Variants in TEKTIP1 observed in about 807,000 individuals in gnomAD.
TEKTIP1 encodes the protein tektin bundle interacting protein 1.
the TEKTIP1 span, chr19:3,539,525 C>T: frequency 2.0e-6 from 1 of 492,084 alleles, no homozygotes; most frequent in East Asian, 3.1e-5. Context: ...GGAGCTTCGG[C>T]CACAGAAATG....
At chr19:3,542,794 C>T in the TEKTIP1 span, 214 of 1,369,906 alleles carry the variant, frequency 1.6e-4, no homozygotes, top group Admixed American at 1.5e-4. Context: ...GTGGGTCCCC[C>T]AGTCTTCCCT....
At chr19:3,544,000 C>G in the TEKTIP1 span, 245 of 1,541,062 alleles carry the variant, frequency 1.6e-4, 1 homozygote, top group South Asian at 2.7e-3. Context: ...CTCACACCCA[C>G]TCCCCGATAA....
chr19:3,543,713 G>A, the TEKTIP1 span: 8 of 1,502,034 alleles, frequency 5.3e-6, no homozygotes, highest in African/African-American at 9.7e-5. Flanking sequence ...TCCTTGGGAG[G>A]CCAGGGGGAC....
chr19:3,543,483 C>T, the TEKTIP1 span: 91 of 1,500,568 alleles, frequency 6.1e-5, no homozygotes, highest in Non-Finnish European at 8.0e-5. Flanking sequence ...GGTGAGTGCC[C>T]CCCCCCCCGC....
the TEKTIP1 span, among the ~76,000 whole-genome samples, chr19:3,541,200 G>A: frequency 6.6e-6 from 1 of 151,172 alleles, no homozygotes; most frequent in Admixed American, 6.6e-5. Context: ...ACCAGGCATG[G>A]CGGCACGTGC....
At chr19:3,543,214 C>T in the TEKTIP1 span, 1 of 1,538,148 alleles carries the variant, frequency 6.5e-7, no homozygotes, top group Middle Eastern at 1.8e-4. Flanking sequence ...GGCTCAGTCT[C>T]TGCCCCCTGC....
At chr19:3,543,586 G>C in the TEKTIP1 span, 2,109 of 1,543,280 alleles carry the variant, frequency 1.4e-3, 9 homozygotes, top group Non-Finnish European at 1.6e-3. Context: ...AGACCGCCTG[G>C]CATGACCCCA....
chr19:3,539,656 G>C, the TEKTIP1 span: 1 of 203,682 alleles, frequency 4.9e-6, no homozygotes, highest in Middle Eastern at 1.8e-3. Flanking sequence ...TTGGCCCCCG[G>C]TCTCTGCTTC....
the TEKTIP1 span, chr19:3,543,850 G>A: frequency 6.5e-7 from 1 of 1,544,720 alleles, no homozygotes; most frequent in Non-Finnish European, 8.7e-7. Flanking sequence ...AACCGGTACG[G>A]GGTGGAGCCA....
chr19:3,543,933 C>T, the TEKTIP1 span: 137 of 1,551,220 alleles, frequency 8.8e-5, no homozygotes, highest in Non-Finnish European at 9.6e-5. Flanking sequence ...CCAGAACTAC[C>T]GGGAGTGGGT....
the TEKTIP1 span, chr19:3,542,523 G>C: frequency 2.2e-6 from 2 of 926,648 alleles, no homozygotes; most frequent in Admixed American, 6.2e-5. Context: ...GCCCAGGCTG[G>C]AGTGCAAGGG....
At chr19:3,543,987 TCCCTC>T in the TEKTIP1 span, 1 of 1,546,392 alleles carries the variant, frequency 6.5e-7, no homozygotes, top group Non-Finnish European at 8.7e-7. Context: ...GTCCCCGCCT[TCCCTC>T]ACACCCACTC....
At chr19:3,541,195 G>T in the TEKTIP1 span, among the ~76,000 whole-genome samples, 27 of 150,030 alleles carry the variant, frequency 1.8e-4, no homozygotes, top group Admixed American at 1.0e-3. Flanking sequence ...AATCAACCAG[G>T]CATGGCGGCA....
At chr19:3,539,221 C>T in the TEKTIP1 span, 14 of 1,550,512 alleles carry the variant, frequency 9.0e-6, no homozygotes, top group East Asian at 2.4e-5. Context: ...TGTATCCCCT[C>T]GGGGACCCTC....
the TEKTIP1 span, chr19:3,542,222 CTA>C: frequency 5.1e-6 from 5 of 985,294 alleles, no homozygotes; most frequent in African/African-American, 1.7e-5. Context: ...AAAGCCGAGT[CTA>C]TGTGGGGTCC....
At chr19:3,543,744 G>A in the TEKTIP1 span, 1 of 1,493,390 alleles carries the variant, frequency 6.7e-7, no homozygotes, top group African/African-American at 1.4e-5. Context: ...AGGCCAGGGT[G>A]AAACTGCCCG....
At chr19:3,544,013 G>C in the TEKTIP1 span, 7 of 1,533,496 alleles carry the variant, frequency 4.6e-6, no homozygotes, top group South Asian at 3.7e-5. Flanking sequence ...CCCGATAAAG[G>C]CATGCTACCA....
the TEKTIP1 span, chr19:3,543,975 C>T: frequency 1.6e-4 from 242 of 1,548,596 alleles, 3 homozygotes; most frequent in South Asian, 2.4e-3. Flanking sequence ...CACCTGCCAG[C>T]GGTCCCCGCC....
At chr19:3,539,254 T>TGTACAGGTGAGCCCCTCC in the TEKTIP1 span, 1 of 1,548,170 alleles carries the variant, frequency 6.5e-7, no homozygotes, top group Non-Finnish European at 8.7e-7. Context: ...CCAGCACCGC[T>TGTACAGGTGAGCCCCTCC]GTACAGGTGA....
Sources: allele counts gnomAD v4.1 joint callset (sites outside exome capture counted in the v4.1 genomes callset), GRCh38; gene constraint gnomAD v4.1.1; transcripts MANE v1.5; gene names NCBI Gene and HGNC (gene_info 2026-07-23, HGNC 2026-07-21).